The following BTN3A3 variants were observed in gnomAD, a reference collection of about 807,000 sequenced individuals.
BTN3A3 encodes the protein butyrophilin subfamily 3 member A3.
A neutral mutation model predicts 43.2 loss-of-function variants in BTN3A3; 39 were observed. The ratio of observed to expected loss-of-function variants is 0.90; its 90% CI spans 0.70 to 1.18. The LOEUF (loss-of-function observed/expected upper bound fraction) is 1.18, where lower values mean the gene tolerates loss of function less well. Among genes scored for constraint, BTN3A3 ranks in the 50% most tolerant of loss-of-function variants. The probability of loss-of-function intolerance (pLI) is 0.00; values close to 1 mark genes in which losing one functional copy is unlikely to be tolerated. For missense variants in BTN3A3, 631 were observed against 722.8 expected (o/e 0.87, Z 1.46); for synonymous variants, 255 against 272.7 (o/e 0.93, Z 0.64).
Position 26,443,417 on chromosome 6 carries a change from C to T in BTN3A3, c.-31C>T, listed in dbSNP as rs1448666352. On this transcript the variant is annotated 5_prime_UTR_variant, in exon 2 of 11. Transcript: ENST00000244519. ...ATACTGGAACCCAAAGGTAAAGACA[C>T]TCAAGGACAGACATTTTTGGCAGAG... 37 of 1,450,886 alleles carry T rather than the reference C, an allele frequency of 2.6e-5. No individual in the cohort carries two copies. Among genetic ancestry groups the T allele is most frequent in the Non-Finnish European group, 3.3e-5 (36 of 1,096,262 alleles). 89.9% of individuals were successfully genotyped at this position (1,450,886 alleles called of 1,614,324 possible).
At chr6:26,450,771 C>T (rs1762909243) in intron 10 of BTN3A3, among the ~76,000 whole-genome samples, 1 of 152,134 alleles carries the variant, frequency 6.6e-6, no homozygotes, top group African/African-American at 2.4e-5. Flanking sequence ...GCTGTCTTCA[C>T]TCCTAGCCTG....
At chr6:26,449,773 T>C (rs1450607238) in intron 9 of BTN3A3, 85 bp downstream of exon 9, 1 of 1,527,684 alleles carries the variant, frequency 6.5e-7, no homozygotes, top group African/African-American at 1.4e-5. Context: ...CCATTGACGT[T>C]CTCAGTTGGA....
At chr6:26,442,235 G>A (rs542894563) in intron 1 of BTN3A3, among the ~76,000 whole-genome samples, 1 of 152,264 alleles carries the variant, frequency 6.6e-6, no homozygotes, top group African/African-American at 2.4e-5. Flanking sequence ...AGAAACTGTT[G>A]AGGAGTTAGT....
chr6:26,450,358 T>C (rs1216348072), intron 10 of BTN3A3: 7 of 548,072 alleles, frequency 1.3e-5, no homozygotes, highest in Non-Finnish European at 2.0e-5. Flanking sequence ...CCTCAGACCT[T>C]CCTGGGAAGG....
At chr6:26,447,397 C>T (rs113352426) in intron 5 of BTN3A3, among the ~76,000 whole-genome samples, 5,760 of 152,290 alleles carry the variant, frequency 0.038, 119 homozygotes, top group Middle Eastern at 0.068. Flanking sequence ...GAGTCTCACT[C>T]TGTCACCTAG....
rs1762959040 is a variant in BTN3A3 at position 26,452,460 on chromosome 6, C to T, written c.*49C>T. On this transcript the variant is annotated 3_prime_UTR_variant, in exon 11 of 11. Coordinates refer to ENST00000244519, the MANE Select transcript of BTN3A3 (RefSeq NM_006994.5). ...ACAGTTGTTTTGAGTTTCGTACCAC[C>T]TTATTGTCCCCTTATACAGATAAGG... is the stretch of plus-strand genomic sequence containing the variant. 6.8e-7 allele frequency: 1 copy of T among 1,478,170 alleles called. No individual in the cohort carries two copies. Among genetic ancestry groups the T allele is most frequent in the African/African-American group, 1.4e-5 (1 of 72,056 alleles). The allele number at this position is 1,478,170 out of a possible 1,614,324, so 91.6% of individuals were successfully genotyped here.
intron 4 of BTN3A3, chr6:26,444,602 C>T: frequency 1.8e-6 from 1 of 543,004 alleles, no homozygotes; most frequent in Non-Finnish European, 3.3e-6. Flanking sequence ...GTGACTGGTA[C>T]ACAGTCATTT....
In BTN3A3 at chr6:26,452,216, T is replaced by C. The variant is rs780953847; in HGVS notation, c.1560T>C (p.Ser520=). 1.2e-6 allele frequency: 2 copies of C among 1,614,018 alleles called. No homozygotes were observed. Among genetic ancestry groups the C allele is most frequent in the African/African-American group, 1.3e-5 (1 of 74,984 alleles). Residue 520 remains serine (S), a synonymous_variant, in exon 11 of 11, where the codon AGT becomes AGC. Coordinates refer to ENST00000244519, the MANE Select transcript of BTN3A3 (RefSeq NM_006994.5). ...TICPIPKEVE[S]SPDPDLVPDH... is the part of the protein sequence containing the mutation. The stretch of plus-strand genomic sequence containing the variant: ...GCCCAATACCAAAAGAAGTAGAGAG[T>C]TCCCCCGATCCTGACCTAGTGCCTG...
chr6:26,451,374 G>C (rs1349865646), intron 10 of BTN3A3, among the ~76,000 whole-genome samples: 1 of 152,160 alleles, frequency 6.6e-6, no homozygotes, highest in African/African-American at 2.4e-5. Flanking sequence ...AAGGCATTAG[G>C]GGGCAGAGTC....
At chr6:26,451,459 G>A (rs1490188759) in intron 10 of BTN3A3, among the ~76,000 whole-genome samples, 2 of 152,102 alleles carry the variant, frequency 1.3e-5, no homozygotes, top group Non-Finnish European at 2.9e-5. Context: ...AGGGTATTGG[G>A]TTAGGCAGAT....
intron 6 of BTN3A3, 27 bp from the exon 7 acceptor site, chr6:26,448,590 T>G (rs751894661): frequency 6.2e-7 from 1 of 1,613,940 alleles, no homozygotes; most frequent in Admixed American, 1.7e-5. Context: ...GTTCTTTTTT[T>G]CTTTTCTTTT....
At chr6:26,446,219 A>G (rs1167413387) in intron 5 of BTN3A3, among the ~76,000 whole-genome samples, 1 of 152,222 alleles carries the variant, frequency 6.6e-6, no homozygotes, top group East Asian at 1.9e-4. Context: ...ACAGAAACAG[A>G]AAGTGTGACA....
rs1041092245 is a variant in BTN3A3 at position 26,452,268 on chromosome 6, C to G, written c.1612C>G (p.Pro538Ala). 4.3e-6 allele frequency: 7 copies of G among 1,613,988 alleles called. No homozygotes were observed. The highest frequency in any genetic ancestry group is 5.9e-6 in the Non-Finnish European group (7 of 1,180,038). The change falls in exon 11 of 11, where the codon CCG becomes GCG. Residue 538 changes from proline (P) to alanine (A), a missense_variant. Coordinates refer to ENST00000244519, the MANE Select transcript of BTN3A3 (RefSeq NM_006994.5). ...TCATTCCCTGGAGACACCACTGACC[C>G]CGGGCTTAGCTAATGAAAGTGGGGA... ...PDHSLETPLTPGLANESGEPQ... is the reference protein window; with the variant it reads ...PDHSLETPLTAGLANESGEPQ...
intron 8 of BTN3A3, 144 bp downstream of exon 8, chr6:26,448,898 G>A (rs566494475): frequency 8.0e-4 from 776 of 964,278 alleles, no homozygotes; most frequent in Non-Finnish European, 9.2e-4. Context: ...AATAAGTTTG[G>A]CTCTTTGGAG....
intron 5 of BTN3A3, among the ~76,000 whole-genome samples, chr6:26,447,036 G>T (rs1457361188): frequency 1.3e-5 from 2 of 152,134 alleles, no homozygotes; most frequent in East Asian, 3.9e-4. Context: ...CCTATAAAAA[G>T]TTTCTTATAG....
chr6:26,446,953 T>C (rs1762796832), intron 5 of BTN3A3, among the ~76,000 whole-genome samples: 1 of 152,190 alleles, frequency 6.6e-6, no homozygotes, highest in Admixed American at 6.5e-5. Flanking sequence ...GGTTTCAAAC[T>C]CCAGACCCCA....
chr6:26,445,518 C>T (rs977810245), intron 4 of BTN3A3, 186 bp from the exon 5 acceptor site: 2 of 688,854 alleles, frequency 2.9e-6, no homozygotes, highest in African/African-American at 3.6e-5. Context: ...AATAGCCCCA[C>T]ATTACTGACC....
intron 1 of BTN3A3, 163 bp downstream of exon 1, chr6:26,440,811 T>TGC (rs751791204): frequency 6.1e-5 from 9 of 146,968 alleles, no homozygotes; most frequent in Non-Finnish European, 1.2e-4. Context: ...TGTGTGTGTG[T>TGC]GTGTGCGTGT....
chr6:26,448,090 T>C (rs894423183), intron 5 of BTN3A3, among the ~76,000 whole-genome samples, 158 bp from the exon 6 acceptor site: 2 of 152,176 alleles, frequency 1.3e-5, no homozygotes, highest in African/African-American at 4.8e-5. Flanking sequence ...CAAAGTCCTC[T>C]CTACAGTCCT....
Sources: allele counts gnomAD v4.1 joint callset (sites outside exome capture counted in the v4.1 genomes callset), GRCh38; gene constraint gnomAD v4.1.1; transcripts MANE v1.5; gene names NCBI Gene and HGNC (gene_info 2026-07-23, HGNC 2026-07-21).